Variants in SH2D4A observed in about 807,000 individuals in gnomAD.
The protein encoded by SH2D4A is SH2 domain-containing protein 4A.
Under a neutral mutation model 64.7 loss-of-function variants are expected in SH2D4A, and 70 were observed. That is an observed-to-expected ratio of 1.08 (90% CI 0.89 to 1.32). SH2D4A has a LOEUF of 1.32. Among genes scored for constraint, SH2D4A ranks in the 40% most tolerant of loss-of-function variants. The pLI, the probability that SH2D4A is intolerant of heterozygous loss-of-function variation, is 0.00. For synonymous variants in SH2D4A, 268 were observed against 200.7 expected (o/e 1.34, Z -2.83); for missense variants, 706 against 540.1 (o/e 1.31, Z -3.04).
chr8:19,345,032 C>T (rs948799097), intron 4 of SH2D4A, among the ~76,000 whole-genome samples: 33 of 152,202 alleles, frequency 2.2e-4, no homozygotes, highest in African/African-American at 8.0e-4. Context: ...AGCAAGTGGT[C>T]AGAAGAACTG....
intron 7 of SH2D4A, among the ~76,000 whole-genome samples, chr8:19,364,609 C>T (rs537040335): frequency 1.3e-5 from 2 of 151,740 alleles, no homozygotes; most frequent in African/African-American, 4.8e-5. Flanking sequence ...CAGAGGCAGC[C>T]GGTGAGCCAG....
intron 2 of SH2D4A, among the ~76,000 whole-genome samples, chr8:19,331,680 A>G (rs988492340): frequency 6.6e-6 from 1 of 152,220 alleles, no homozygotes; most frequent in South Asian, 2.1e-4. Context: ...ATAGGCTAGC[A>G]ATGATAGCAG....
chr8:19,359,190 A>G (rs1304753134), intron 5 of SH2D4A, among the ~76,000 whole-genome samples: 1 of 152,144 alleles, frequency 6.6e-6, no homozygotes, highest in Non-Finnish European at 1.5e-5. Context: ...TAGATGGGTA[A>G]TAGCAGATCT....
At chr8:19,353,789 T>C (rs2052747727) in intron 4 of SH2D4A, among the ~76,000 whole-genome samples, 1 of 151,646 alleles carries the variant, frequency 6.6e-6, no homozygotes. Context: ...TAAATGAGCC[T>C]GCTTTCTGCA....
At chr8:19,324,748 T>C (rs1223695271) in intron 2 of SH2D4A, among the ~76,000 whole-genome samples, 1 of 152,154 alleles carries the variant, frequency 6.6e-6, no homozygotes, top group African/African-American at 2.4e-5. Context: ...TAGACTCCTT[T>C]GAAAATTTAC....
intron 8 of SH2D4A, among the ~76,000 whole-genome samples, chr8:19,388,449 C>T (rs566271335): frequency 6.6e-6 from 1 of 152,176 alleles, no homozygotes; most frequent in Non-Finnish European, 1.5e-5. Flanking sequence ...AGCCTGGGTC[C>T]AATTCCAGTG....
At chr8:19,317,428 T>A (rs1467928747) in intron 1 of SH2D4A, among the ~76,000 whole-genome samples, 1 of 152,058 alleles carries the variant, frequency 6.6e-6, no homozygotes, top group Non-Finnish European at 1.5e-5. Flanking sequence ...AATTTTTCTC[T>A]TAATGTTTGG....
chr8:19,360,953 T>C (rs2052874142), intron 5 of SH2D4A: 1 of 261,822 alleles, frequency 3.8e-6, no homozygotes, highest in Non-Finnish European at 7.2e-6. Flanking sequence ...TCATCTTTCT[T>C]ATGGGGAAAC....
chr8:19,318,053 A>G (rs1299705589), intron 1 of SH2D4A, among the ~76,000 whole-genome samples: 2 of 151,980 alleles, frequency 1.3e-5, no homozygotes, highest in African/African-American at 4.8e-5. Flanking sequence ...GGCACCCACC[A>G]CCATGCCCAG....
chr8:19,355,318 A>G (rs1327871349), intron 4 of SH2D4A, among the ~76,000 whole-genome samples: 1 of 152,156 alleles, frequency 6.6e-6, no homozygotes, highest in East Asian at 1.9e-4. Context: ...GAGATTTTAA[A>G]AGTCATCTTG....
In SH2D4A at chr8:19,373,465, T is replaced by TATATA; in HGVS notation, c.918-65_918-64insATATA. ...GTGTGTATATATATATATATATATA[T>TATATA]GACTTTTGAGGGCATTATTTTCAAA... is the stretch of plus-strand genomic sequence containing the variant. On this transcript the variant is annotated intron_variant, in intron 7 of 9. Coordinates refer to ENST00000265807, the MANE Select transcript of SH2D4A (RefSeq NM_022071.4). 3 of 1,121,230 alleles carry TATATA rather than the reference T, an allele frequency of 2.7e-6. No individual in the cohort carries two copies. The African/African-American group carries it at 4.8e-5, about 18-fold the overall frequency. The allele number at this position is 1,121,230 out of a possible 1,614,324, so 69.5% of individuals were successfully genotyped here. A position where few individuals can be genotyped will look rare whatever the true frequency, so the allele number is the denominator to read the frequency against.
chr8:19,363,881 G>C (rs2052936536), intron 6 of SH2D4A, 191 bp from the exon 7 acceptor site: 1 of 600,766 alleles, frequency 1.7e-6, no homozygotes, highest in African/African-American at 1.9e-5. Flanking sequence ...ATGAAGAGAG[G>C]AATCCTGCAG....
chr8:19,320,926 T>C (rs1463478525), intron 2 of SH2D4A, among the ~76,000 whole-genome samples: 1 of 152,238 alleles, frequency 6.6e-6, no homozygotes, highest in African/African-American at 2.4e-5. Context: ...GCATCCCTGG[T>C]ATATGCCCAG....
At chr8:19,385,596 G>A (rs934917731) in intron 8 of SH2D4A, among the ~76,000 whole-genome samples, 1 of 152,118 alleles carries the variant, frequency 6.6e-6, no homozygotes, top group Admixed American at 6.5e-5. Context: ...CTCTGGAATT[G>A]TTGTTCCCTA....
chr8:19,366,111 C>A (rs903874408), intron 7 of SH2D4A, among the ~76,000 whole-genome samples: 6 of 152,000 alleles, frequency 3.9e-5, no homozygotes, highest in African/African-American at 1.4e-4. Context: ...AATTACAATA[C>A]TAGTAGTTCA....
At chr8:19,347,100 G>A (rs1016922768) in intron 4 of SH2D4A, among the ~76,000 whole-genome samples, 1 of 152,176 alleles carries the variant, frequency 6.6e-6, no homozygotes, top group Admixed American at 6.5e-5. Flanking sequence ...TGATGCAGCC[G>A]AGGAACCTCT....
chr8:19,394,416 C>T, intron 9 of SH2D4A, 134 bp from the exon 10 acceptor site: 1 of 566,660 alleles, frequency 1.8e-6, no homozygotes, highest in South Asian at 3.1e-5. Flanking sequence ...AAGAAAAATG[C>T]CTTTTAAGAT....
chr8:19,345,651 G>A (rs2052601129), intron 4 of SH2D4A, among the ~76,000 whole-genome samples: 2 of 152,172 alleles, frequency 1.3e-5, no homozygotes, highest in African/African-American at 4.8e-5. Context: ...TGGTCCACCT[G>A]GGTAATAGCT....
rs1317284138 is a variant in SH2D4A, at chr8:19,396,177, C to G, written c.*1535C>G. ...TCTGGCCTAACTGTGTAGGTCAATACTCTTTTACATTGCCTTCTAATAAAA... is the reference window on the plus strand; with the variant it reads ...TCTGGCCTAACTGTGTAGGTCAATAGTCTTTTACATTGCCTTCTAATAAAA... On this transcript the variant is annotated 3_prime_UTR_variant, in exon 10 of 10. Transcript: ENST00000265807. 2 of 152,134 alleles carry G rather than the reference C, an allele frequency of 1.3e-5. No individual in the cohort carries two copies. Among genetic ancestry groups the G allele is most frequent in the Non-Finnish European group, 2.9e-5 (2 of 68,042 alleles). The allele number at this position is 152,134 out of a possible 1,614,324, so 9.4% of individuals were successfully genotyped here.
Sources: gnomAD v4.1 joint callset for allele counts (sites outside exome capture counted in the v4.1 genomes callset) on GRCh38, gnomAD v4.1.1 for gene constraint, MANE v1.5 for transcripts, NCBI Gene and HGNC (gene_info 2026-07-23, HGNC 2026-07-21) for gene names.